PPP1R26: variants seen among roughly 807,000 people sequenced by gnomAD.
PPP1R26 encodes 1A6/DRIM (down-regulated in metastasis) interacting protein.
PPP1R26 carries 22 observed loss-of-function variants against 67.6 expected under a neutral mutation model. The ratio of observed to expected loss-of-function variants is 0.33; its 90% CI spans 0.23 to 0.46. PPP1R26 has a LOEUF of 0.46. Among genes scored for constraint, PPP1R26 ranks in the 20% least tolerant of loss-of-function variants. The pLI is 1.00. For missense variants in PPP1R26, 1,602 were observed against 1,651.4 expected, an observed-to-expected ratio of 0.97 and a Z score of 0.52; for synonymous variants, 729 against 717.2, an observed-to-expected ratio of 1.02 and a Z score of -0.26.
chr9:135,487,824 C>A lies in PPP1R26; in HGVS notation c.3314C>A (p.Pro1105His). 1 of 1,593,302 alleles carries A rather than the reference C, an allele frequency of 6.3e-7. No individual in the cohort carries two copies. Among genetic ancestry groups the A allele is most frequent in the Non-Finnish European group, 8.5e-7 (1 of 1,172,100 alleles). The change falls in exon 4 of 4, where the codon CCC becomes CAC. Residue 1105 changes from proline (P) to histidine (H), a missense_variant. Physicochemically the swap from Pro to His is moderately conservative, Grantham distance 77. This residue lies in a region of PPP1R26 where 740 missense variants were observed against 696.3 expected (regional missense o/e 1.06). Transcript: ENST00000356818. ...WGGRQAGLFS[P>H]HLGLPLQGPS... ...GGCAGGCAGGCTGGCCTCTTCAGCC[C>A]CCACCTGGGGCTGCCTCTGCAGGGC... is the stretch of plus-strand genomic sequence containing the variant.
rs1830773359 is a variant in PPP1R26 at position 135,487,184 on chromosome 9, A to C, written c.2674A>C (p.Ser892Arg). Residue 892 changes from serine to arginine, a missense_variant, in exon 4 of 4, where the codon AGC becomes CGC. By Grantham distance (110) the Ser-to-Arg change is moderately radical (BLOSUM62 -1). Transcript: ENST00000356818. ...PAPPPGVCTRSQRARGVPHLA... is the reference protein window; with the variant it reads ...PAPPPGVCTRRQRARGVPHLA... ...CCCACCGCCTGGCGTGTGCACACGC[A>C]GCCAGAGGGCCAGGGGGGTCCCACA... 2 of 1,607,354 alleles carry C rather than the reference A, an allele frequency of 1.2e-6. No individual in the cohort carries two copies. Among genetic ancestry groups the C allele is most frequent in the Non-Finnish European group, 8.5e-7 (1 of 1,177,938 alleles).
Position 135,486,819 on chromosome 9 carries a change from C to G in PPP1R26, c.2309C>G (p.Pro770Arg). Residue 770 changes from proline to arginine, a missense_variant, in exon 4 of 4, where the codon CCC (proline) becomes CGC (arginine). Pro to Arg is a moderately radical substitution (Grantham distance 103, BLOSUM62 -2). This residue lies in a region of PPP1R26 where 740 missense variants were observed against 696.3 expected (regional missense o/e 1.06). Transcript: ENST00000356818. The surrounding 1 kb of genome is among the most constrained non-coding windows in gnomAD (Gnocchi z 6.2). ...DSGEGPGKKP[P>R]SVFGSTAERM... ...GGCGAGGGTCCTGGGAAGAAACCCC[C>G]CAGTGTCTTTGGCAGCACGGCAGAG... The G allele has an allele frequency of 1.2e-6, 2 of 1,609,030 alleles. No homozygotes were observed. The highest frequency in any genetic ancestry group is 3.3e-4 in the Middle Eastern group (2 of 6,054).
At position 135,487,600 on chromosome 9, in the gene PPP1R26, C is replaced by T. The variant is rs1162244587; in HGVS notation, c.3090C>T (p.Phe1030=). The part of the protein sequence containing the change: ...QADRTPPWSD[F]AHQSRLPSPW... ...ACCGCACACCGCCCTGGAGCGACTT[C>T]GCCCACCAGAGTCGGCTGCCCAGCC... The change falls in exon 4 of 4, where the codon TTC becomes TTT. Residue 1030 remains phenylalanine (F), a synonymous_variant. Coordinates refer to ENST00000356818, the MANE Select transcript of PPP1R26 (RefSeq NM_014811.5). 5 of 1,495,096 alleles carry T rather than the reference C, an allele frequency of 3.3e-6. No homozygotes were observed. In the East Asian group the frequency reaches 9.8e-5, roughly 29 times the overall value. The allele number at this position is 1,495,096 out of a possible 1,614,324, so 92.6% of individuals were successfully genotyped here.
Position 135,486,797 on chromosome 9 carries a change from G to A in PPP1R26, c.2287G>A (p.Glu763Lys), listed in dbSNP as rs200773477. 7.6e-5 allele frequency: 121 copies of A among 1,599,828 alleles called. No homozygotes were observed. The highest frequency in any genetic ancestry group is 3.6e-4 in the East Asian group (16 of 44,320). Residue 763 changes from glutamate to lysine, a missense_variant, in exon 4 of 4, where the codon GAG becomes AAG. Glu to Lys is a moderately conservative substitution (Grantham distance 56, BLOSUM62 1). Around this residue, in one of 5 missense-constraint regions of PPP1R26, gnomAD observed 740 missense variants for 696.3 expected, o/e 1.06. Transcript: ENST00000356818. The surrounding 1 kb of genome is among the most constrained non-coding windows in gnomAD (Gnocchi z 6.2). The stretch of plus-strand genomic sequence containing the variant: ...CTCCAAGTCCAAGAGAGACAGTGGC[G>A]AGGGTCCTGGGAAGAAACCCCCCAG... ...CLSKSKRDSGEGPGKKPPSVF... is the reference protein window; with the variant it reads ...CLSKSKRDSGKGPGKKPPSVF...
intron 1 of PPP1R26, chr9:135,480,257 G>A (rs1830465073): frequency 6.6e-6 from 1 of 152,100 alleles, no homozygotes; most frequent in Admixed American, 6.5e-5. Flanking sequence ...CGCGCTCCTG[G>A]AGCCCCAGGT....
At chr9:135,483,733 G>T (rs1489266834) in intron 2 of PPP1R26, among the ~76,000 whole-genome samples, 2 of 152,322 alleles carry the variant, frequency 1.3e-5, no homozygotes, top group East Asian at 3.9e-4. Flanking sequence ...GCCACCTTTG[G>T]TCTGAAATCT....
At position 135,485,953 on chromosome 9, in the gene PPP1R26, G is replaced by C. The variant is rs1588350456; in HGVS notation, c.1443G>C (p.Leu481=). The C allele has an allele frequency of 6.2e-7, 1 of 1,613,424 alleles. No homozygotes were observed. The highest frequency in any genetic ancestry group is 8.5e-7 in the Non-Finnish European group (1 of 1,180,032). The change falls in exon 4 of 4, where the codon CTG becomes CTC. Residue 481 remains leucine (L), a synonymous_variant. Coordinates refer to ENST00000356818, the MANE Select transcript of PPP1R26 (RefSeq NM_014811.5). The surrounding 1 kb of genome is among the most constrained non-coding windows in gnomAD (Gnocchi z 7.2). ...GCCGGGCGGACACATCTGCTGAGCT[G>C]ATGTGTGCAGAAGCAATCCTGGACA... The part of the protein sequence containing the change: ...SSCRADTSAE[L]MCAEAILDIS...
At position 135,482,799 on chromosome 9, in the gene PPP1R26, G is replaced by T. The variant is rs1830564267; in HGVS notation, c.-212G>T. 2.5e-6 allele frequency: 1 copy of T among 398,374 alleles called. No individual in the cohort carries two copies. The highest frequency in any genetic ancestry group is 4.4e-5 in the Admixed American group (1 of 22,692). The allele number at this position is 398,374 out of a possible 1,614,324, so 24.7% of individuals were successfully genotyped here. ...CTGCCATTTCATCACAGTCAACCTG[G>T]ACTCACAGAATTTCAAGTAATTTCA... On this transcript the variant is annotated 5_prime_UTR_variant, in exon 2 of 4. Coordinates refer to ENST00000356818, the MANE Select transcript of PPP1R26 (RefSeq NM_014811.5).
chr9:135,488,307 C>T lies in PPP1R26; in HGVS notation c.*167C>T. ...GAAACTTTTATTTAACAGACGTGTC[C>T]TGGTAAATATGATTTTTGTAGCTTT... is the stretch of plus-strand genomic sequence containing the variant. On this transcript the variant is annotated 3_prime_UTR_variant, in exon 4 of 4. Coordinates refer to ENST00000356818, the MANE Select transcript of PPP1R26 (RefSeq NM_014811.5). The T allele has an allele frequency of 2.6e-6, 3 of 1,139,960 alleles. No homozygotes were observed. Among genetic ancestry groups the T allele is most frequent in the East Asian group, 3.2e-5 (1 of 31,172 alleles). 70.6% of individuals were successfully genotyped at this position (1,139,960 alleles called of 1,614,324 possible). A position where few individuals can be genotyped will look rare whatever the true frequency, so the allele number is the denominator to read the frequency against.
chr9:135,487,830 TGGGGCTGCC>T lies in PPP1R26; in HGVS notation c.3321_3329del (p.Gly1108_Pro1110del), dbSNP rs1830814573. The stretch of plus-strand genomic sequence containing the variant: ...CAGGCTGGCCTCTTCAGCCCCCACC[TGGGGCTGCC>T]TCTGCAGGGCCCCTCCTTCTCGGCC... On this transcript the variant is annotated inframe_deletion, in exon 4 of 4. Transcript: ENST00000356818. 3 of 1,593,436 alleles carry T rather than the reference TGGGGCTGCC, an allele frequency of 1.9e-6. No homozygotes were observed. Among genetic ancestry groups the T allele is most frequent in the Non-Finnish European group, 2.6e-6 (3 of 1,172,174 alleles).
In PPP1R26 at chr9:135,485,737, T is replaced by G. The variant is rs1830701856; in HGVS notation, c.1227T>G (p.Ser409Arg). The change falls in exon 4 of 4, where the codon AGT (serine) becomes AGG (arginine). Residue 409 changes from serine to arginine, a missense_variant. Physicochemically the swap from Ser to Arg is moderately radical, Grantham distance 110. Around this residue, in one of 5 missense-constraint regions of PPP1R26, gnomAD observed 680 missense variants for 726.1 expected, o/e 0.94. Transcript: ENST00000356818. The surrounding 1 kb of genome is among the most constrained non-coding windows in gnomAD (Gnocchi z 7.2). Reference protein sequence around the residue: ...APDPPAHSTSSATKSALPETH... With the variant: ...APDPPAHSTSRATKSALPETH... The stretch of plus-strand genomic sequence containing the variant: ...ACCCTCCCGCACACAGCACAAGCAG[T>G]GCCACAAAAAGTGCCTTGCCCGAGA... 2 of 1,610,500 alleles carry G rather than the reference T, an allele frequency of 1.2e-6. No individual in the cohort carries two copies. The highest frequency in any genetic ancestry group is 1.7e-6 in the Non-Finnish European group (2 of 1,179,972).
Position 135,484,616 on chromosome 9 carries a change from G to A in PPP1R26, c.106G>A (p.Glu36Lys), listed in dbSNP as rs753883281. Residue 36 changes from glutamate (E) to lysine (K), a missense_variant, in exon 4 of 4, where the codon GAG becomes AAG. Transcript: ENST00000356818. ...RFPRCFSEAD[E>K]GVESASVSAR... ...CCCCAGGTGCTTCTCGGAGGCTGACGAGGGCGTGGAGAGCGCGTCGGTGAG... is the reference window on the plus strand; with the variant it reads ...CCCCAGGTGCTTCTCGGAGGCTGACAAGGGCGTGGAGAGCGCGTCGGTGAG... 9.3e-6 allele frequency: 15 copies of A among 1,612,048 alleles called. No homozygotes were observed. In the Admixed American group the frequency reaches 1.0e-4, roughly 11 times the overall value.
Position 135,484,844 on chromosome 9 carries a change from G to A in PPP1R26, c.334G>A (p.Glu112Lys), listed in dbSNP as rs776256008. The A allele has an allele frequency of 1.2e-6, 2 of 1,610,074 alleles. No homozygotes were observed. Among genetic ancestry groups the A allele is most frequent in the Non-Finnish European group, 1.7e-6 (2 of 1,179,384 alleles). ...VADFDPMGEEETTDFGPLVLD... is the reference protein window; with the variant it reads ...VADFDPMGEEKTTDFGPLVLD... The stretch of plus-strand genomic sequence containing the variant: ...TGACTTTGACCCCATGGGGGAGGAG[G>A]AAACTACAGACTTTGGCCCGTTGGT... Residue 112 changes from glutamate (E) to lysine (K), a missense_variant, in exon 4 of 4, where the codon GAA becomes AAA. Physicochemically the swap from Glu to Lys is moderately conservative, Grantham distance 56 (BLOSUM62 1). Around this residue, in one of 5 missense-constraint regions of PPP1R26, gnomAD observed 168 missense variants for 176.1 expected, o/e 0.95. Coordinates refer to ENST00000356818, the MANE Select transcript of PPP1R26 (RefSeq NM_014811.5).
At chr9:135,481,098 G>A (rs1049807191) in intron 1 of PPP1R26, among the ~76,000 whole-genome samples, 1 of 152,176 alleles carries the variant, frequency 6.6e-6, no homozygotes, top group East Asian at 1.9e-4. Flanking sequence ...ATCTGACACC[G>A]TGTGGCCTTG....
rs1830728063 is a variant in PPP1R26, at chr9:135,486,295, G to C, written c.1785G>C (p.Lys595Asn). The change falls in exon 4 of 4, where the codon AAG becomes AAC. Residue 595 changes from lysine (K) to asparagine (N), a missense_variant. Around this residue, in one of 5 missense-constraint regions of PPP1R26, gnomAD observed 680 missense variants for 726.1 expected, o/e 0.94. Coordinates refer to ENST00000356818, the MANE Select transcript of PPP1R26 (RefSeq NM_014811.5). The surrounding 1 kb of genome is among the most constrained non-coding windows in gnomAD (Gnocchi z 6.2). ...ACCCACTGCTGGGCTGCAAAAGGAA[G>C]CGTAGAGGTGGTGGCCATGTGAGGC... is the stretch of plus-strand genomic sequence containing the variant. ...TPDPLLGCKR[K>N]RRGGGHVRPS... 3.1e-6 allele frequency: 5 copies of C among 1,612,998 alleles called. No homozygotes were observed. The highest frequency in any genetic ancestry group is 4.2e-6 in the Non-Finnish European group (5 of 1,180,026).
rs770209730 is a variant in PPP1R26, at chr9:135,486,847, G to T, written c.2337G>T (p.Arg779Ser). The change falls in exon 4 of 4, where the codon AGG becomes AGT. Residue 779 changes from arginine (R) to serine (S), a missense_variant. Transcript: ENST00000356818. The surrounding 1 kb of genome is among the most constrained non-coding windows in gnomAD (Gnocchi z 6.2). The part of the protein sequence containing the change: ...PPSVFGSTAE[R>S]MRQEGAASQD... ...GTGTCTTTGGCAGCACGGCAGAGAGGATGAGGCAGGAGGGTGCCGCGAGCC... is the reference window on the plus strand; with the variant it reads ...GTGTCTTTGGCAGCACGGCAGAGAGTATGAGGCAGGAGGGTGCCGCGAGCC... The T allele has an allele frequency of 1.4e-5, 23 of 1,611,482 alleles. 1 individual carries two copies. The South Asian group carries it at 2.5e-4, about 18-fold the overall frequency.
rs750530117 is a variant in PPP1R26, at chr9:135,484,508, A to G, written c.-3A>G. ...CTCTGCGCGCCCCTCCCCGTCTGCT[A>G]GAATGTTTCTCATGAACGCTTCTCC... On this transcript the variant is annotated 5_prime_UTR_variant, in exon 4 of 4. Transcript: ENST00000356818. 3 of 1,584,590 alleles carry G rather than the reference A, an allele frequency of 1.9e-6. No homozygotes were observed. Among genetic ancestry groups the G allele is most frequent in the Non-Finnish European group, 1.7e-6 (2 of 1,168,122 alleles).
Position 135,485,084 on chromosome 9 carries a change from C to T in PPP1R26, c.574C>T (p.Pro192Ser), listed in dbSNP as rs1830661005. 1 of 1,611,232 alleles carries T rather than the reference C, an allele frequency of 6.2e-7. No homozygotes were observed. The highest frequency in any genetic ancestry group is 8.5e-7 in the Non-Finnish European group (1 of 1,179,268). The change falls in exon 4 of 4, where the codon CCT becomes TCT. Residue 192 changes from proline (P) to serine (S), a missense_variant. This residue lies in a region of PPP1R26 where 680 missense variants were observed against 726.1 expected (regional missense o/e 0.94). Coordinates refer to ENST00000356818, the MANE Select transcript of PPP1R26 (RefSeq NM_014811.5). The surrounding 1 kb of genome is among the most constrained non-coding windows in gnomAD (Gnocchi z 7.2). ...TGCCCTGTGTCCCCCAAAACTTGTA[C>T]CTGGATCAGGTGGTGGCCCCGGCAG... ...PTALCPPKLV[P>S]GSGGGPGSQV...
At position 135,485,964 on chromosome 9, in the gene PPP1R26, A is replaced by C. The variant is rs370136845; in HGVS notation, c.1454A>C (p.Glu485Ala). The change falls in exon 4 of 4, where the codon GAA becomes GCA. Residue 485 changes from glutamate to alanine, a missense_variant. Around this residue, in one of 5 missense-constraint regions of PPP1R26, gnomAD observed 680 missense variants for 726.1 expected, o/e 0.94. Coordinates refer to ENST00000356818, the MANE Select transcript of PPP1R26 (RefSeq NM_014811.5). The surrounding 1 kb of genome is among the most constrained non-coding windows in gnomAD (Gnocchi z 7.2). ...ACATCTGCTGAGCTGATGTGTGCAGAAGCAATCCTGGACATCTCCAAGACG... is the reference window on the plus strand; with the variant it reads ...ACATCTGCTGAGCTGATGTGTGCAGCAGCAATCCTGGACATCTCCAAGACG... ...ADTSAELMCA[E>A]AILDISKTIL... 5.6e-5 allele frequency: 91 copies of C among 1,613,222 alleles called. No individual in the cohort carries two copies. Among genetic ancestry groups the C allele is most frequent in the Non-Finnish European group, 7.5e-5 (88 of 1,180,034 alleles).
Sources: allele counts gnomAD v4.1 joint callset (sites outside exome capture counted in the v4.1 genomes callset), GRCh38; gene constraint gnomAD v4.1.1; regional missense constraint gnomAD v4.1.1; non-coding constraint Gnocchi (gnomAD v3.1); transcripts MANE v1.5; gene names NCBI Gene and HGNC (gene_info 2026-07-23, HGNC 2026-07-21).